SPATA1: variants seen among roughly 807,000 people sequenced by gnomAD.
SPATA1 encodes the protein spermatogenesis associated 1.
In SPATA1, 57 loss-of-function variants were observed where a neutral mutation model predicts 59.6. The observed-to-expected ratio is 0.96, with a 90% CI of 0.77 to 1.19. The LOEUF is 1.19. SPATA1 is among the 50% of genes most tolerant of loss of function. The pLI, the probability that SPATA1 is intolerant of heterozygous loss-of-function variation, is 0.00. For synonymous variants in SPATA1, 147 were observed against 163.9 expected, an observed-to-expected ratio of 0.90 and a Z score of 0.79; for missense variants, 448 against 480.7, an observed-to-expected ratio of 0.93 and a Z score of 0.64.
intron 6 of SPATA1, among the ~76,000 whole-genome samples, chr1:84,526,867 CAA>C (rs761804155): frequency 0.11 from 6,495 of 60,494 alleles, 177 homozygotes; most frequent in African/African-American, 0.19. Context: ...GACTTTGTCT[CAA>C]AAAAAAAAAA....
intron 8 of SPATA1, among the ~76,000 whole-genome samples, chr1:84,542,343 T>C (rs1558606465): frequency 6.6e-6 from 1 of 152,082 alleles, no homozygotes; most frequent in Non-Finnish European, 1.5e-5. Context: ...GCCTTGGCCA[T>C]TTTCTTCTTT....
chr1:84,539,042 C>T (rs918763289), intron 8 of SPATA1, among the ~76,000 whole-genome samples: 2 of 152,170 alleles, frequency 1.3e-5, no homozygotes, highest in African/African-American at 4.8e-5. Context: ...CTCAAGCAAT[C>T]GGCCCTCCTC....
chr1:84,561,746 C>T (rs1241934939), intron 4 of SPATA1, among the ~76,000 whole-genome samples: 1 of 152,220 alleles, frequency 6.6e-6, no homozygotes, highest in African/African-American at 2.4e-5. Context: ...GCAAGACACT[C>T]TTCCAGCAAG....
chr1:84,553,718 T>C (rs540819156), exon 13 of SPATA1: 12 of 152,266 alleles, frequency 7.9e-5, no homozygotes, highest in African/African-American at 1.4e-4. Flanking sequence ...ATTGTGTAAA[T>C]AGGAAATGTA....
downstream of SPATA1, among the ~76,000 whole-genome samples, chr1:84,557,896 A>AT (rs1418873133): frequency 2.0e-5 from 3 of 151,726 alleles, no homozygotes; most frequent in East Asian, 5.8e-4. Context: ...TTATAACTAG[A>AT]TTTTTTTCTA....
intron 6 of SPATA1, among the ~76,000 whole-genome samples, chr1:84,526,277 AAAAAC>A (rs1406354991): frequency 3.3e-5 from 5 of 152,254 alleles, no homozygotes; most frequent in Admixed American, 3.3e-4. Flanking sequence ...ATGTTAAAAT[AAAAAC>A]AAAATCAAAA....
At chr1:84,516,135 A>G in intron 1 of SPATA1, 88 bp from the exon 2 acceptor site, 1 of 440,884 alleles carries the variant, frequency 2.3e-6, no homozygotes. Context: ...TTGAGTTAGA[A>G]TAATAAAGAT....
intron 4 of SPATA1, chr1:84,563,257 T>G (rs1387513226): frequency 1.3e-6 from 2 of 1,501,788 alleles, no homozygotes; most frequent in African/African-American, 2.9e-5. Flanking sequence ...AAAGTCTTAC[T>G]TTATAGTTAT....
rs370151855 is a variant in SPATA1 at position 84,563,088 on chromosome 1, C to A, written n.443-2773C>A. 7.9e-4 allele frequency among the ~76,000 whole-genome samples: 121 copies of A among 152,292 alleles called. 1 individual carries two copies. The highest frequency in any genetic ancestry group is 2.7e-3 in the African/African-American group (112 of 41,556). The stretch of plus-strand genomic sequence containing the variant: ...AAAACTCCAATTGCTCGCCAGGGAA[C>A]TAAAGTTCCTGATTACAGATTCAAA... On this transcript the variant is annotated intron_variant and non_coding_transcript_variant, in intron 4 of 4. Coordinates refer to the SPATA1 transcript ENST00000460286.
At chr1:84,521,824 T>C (rs1683039629) in intron 3 of SPATA1, among the ~76,000 whole-genome samples, 1 of 152,160 alleles carries the variant, frequency 6.6e-6, no homozygotes, top group Non-Finnish European at 1.5e-5. Context: ...GCTCAATAAA[T>C]ATGTGTTGAT....
intron 8 of SPATA1, among the ~76,000 whole-genome samples, chr1:84,539,208 A>T (rs1393352849): frequency 1.3e-5 from 2 of 152,218 alleles, no homozygotes; most frequent in African/African-American, 4.8e-5. Context: ...TCACGGCTCT[A>T]AGCCCTTGGG....
intron 2 of SPATA1, among the ~76,000 whole-genome samples, chr1:84,517,555 C>T (rs1682850086): frequency 6.6e-6 from 1 of 152,066 alleles, no homozygotes; most frequent in Non-Finnish European, 1.5e-5. Context: ...AAAACTTGCA[C>T]TACCCATGAC....
At chr1:84,535,196 T>C (rs1241438382) in intron 8 of SPATA1, among the ~76,000 whole-genome samples, 1 of 152,052 alleles carries the variant, frequency 6.6e-6, no homozygotes, top group Non-Finnish European at 1.5e-5. Flanking sequence ...TGCTCAATGA[T>C]TTTTTTTAAT....
rs1558618961 is a variant in SPATA1, at chr1:84,553,156, AAATTT to A, written c.*35_*39del. 8.9e-6 allele frequency: 11 copies of A among 1,230,448 alleles called. No individual in the cohort carries two copies. In the Admixed American group the frequency reaches 1.2e-4, roughly 13 times the overall value. 76.2% of individuals were successfully genotyped at this position (1,230,448 alleles called of 1,614,324 possible). A position where few individuals can be genotyped will look rare whatever the true frequency, so the allele number is the denominator to read the frequency against. On this transcript the variant is annotated 3_prime_UTR_variant, in exon 13 of 13. Transcript: ENST00000490879. ...TAATTTAAAACTTTTATTTGTAAAA[AAATTT>A]AAATATGTATTTGAACAGATTTGTT... is the stretch of plus-strand genomic sequence containing the variant.
At chr1:84,555,336 C>A (rs933993418), downstream of SPATA1, 5 of 600,126 alleles carry the variant, frequency 8.3e-6, no homozygotes, top group Middle Eastern at 4.5e-4. Flanking sequence ...AAAAAGGATA[C>A]AATGAAATAA....
rs553720490 is a variant in SPATA1 at position 84,543,491 on chromosome 1, G to C, written c.718-711G>C. Among the ~76,000 whole-genome samples the C allele has an allele frequency of 9.2e-5, 14 of 152,204 alleles. No individual in the cohort carries two copies. The South Asian group carries it at 2.7e-3, about 29-fold the overall frequency. Reference sequence around the variant, plus strand: ...CTTTCAATCACGGTGGAAGGCAAAGGGGGAGCAAGGCTGGAGCAGGAGGAA... The same window carrying C: ...CTTTCAATCACGGTGGAAGGCAAAGCGGGAGCAAGGCTGGAGCAGGAGGAA... On this transcript the variant is annotated intron_variant, in intron 8 of 12. Coordinates refer to ENST00000490879, the Ensembl canonical transcript of SPATA1.
chr1:84,508,257 C>T (rs1189316638), intron 1 of SPATA1, among the ~76,000 whole-genome samples: 1 of 150,900 alleles, frequency 6.6e-6, no homozygotes. Flanking sequence ...GCACTCCAGC[C>T]TGGCGACAGA....
chr1:84,518,168 A>G (rs1682873431), intron 2 of SPATA1, among the ~76,000 whole-genome samples: 1 of 152,144 alleles, frequency 6.6e-6, no homozygotes, highest in South Asian at 2.1e-4. Context: ...TGTTAAAAAT[A>G]AAAAGCAAAA....
chr1:84,513,594 G>A (rs1426824269), intron 1 of SPATA1, among the ~76,000 whole-genome samples: 1 of 152,176 alleles, frequency 6.6e-6, no homozygotes, highest in African/African-American at 2.4e-5. Flanking sequence ...CACGCTAATA[G>A]GTCAAACTGG....
Sources: allele counts gnomAD v4.1 joint callset (sites outside exome capture counted in the v4.1 genomes callset), GRCh38; gene constraint gnomAD v4.1.1; transcripts MANE v1.5; gene names NCBI Gene and HGNC (gene_info 2026-07-23, HGNC 2026-07-21).